LNP1: variants seen among roughly 807,000 people sequenced by gnomAD.
LNP1 encodes the protein leukemia NUP98 fusion partner 1.
Under a neutral mutation model 14.5 loss-of-function variants are expected in LNP1, and 12 were observed. The ratio of observed to expected loss-of-function variants is 0.83; its 90% CI spans 0.53 to 1.34. LNP1 has a LOEUF of 1.34. Among genes scored for constraint, LNP1 ranks in the 40% most tolerant of loss-of-function variants. LNP1 has a pLI of 0.00. For synonymous variants in LNP1, 75 were observed against 71.4 expected (o/e 1.05, Z -0.26); for missense variants, 198 against 210.9 (o/e 0.94, Z 0.38).
intron 1 of LNP1, among the ~76,000 whole-genome samples, chr3:100,426,919 T>C (rs746500497): frequency 2.2e-4 from 34 of 152,180 alleles, no homozygotes; most frequent in Non-Finnish European, 4.6e-4. Flanking sequence ...TTTTATCATA[T>C]ATTCAGGTGC....
chr3:100,422,182 CTTT>C (rs35862297), intron 1 of LNP1, among the ~76,000 whole-genome samples: 53 of 101,600 alleles, frequency 5.2e-4, no homozygotes, highest in African/African-American at 7.9e-4. Context: ...TTGATAAAGT[CTTT>C]TTTTTTTTTT....
chr3:100,427,119 T>A (rs1707200065), intron 1 of LNP1, among the ~76,000 whole-genome samples: 2 of 152,170 alleles, frequency 1.3e-5, no homozygotes, highest in Admixed American at 1.3e-4. Flanking sequence ...CTCCCCTTTC[T>A]TGCTGGTTTA....
intron 1 of LNP1, 32 bp from the exon 2 acceptor site, chr3:100,429,665 T>G (rs1707224627): frequency 7.0e-7 from 1 of 1,436,724 alleles, no homozygotes; most frequent in African/African-American, 1.4e-5. Flanking sequence ...TTGTCAGCCC[T>G]GTTGGGTGAT....
intron 1 of LNP1, among the ~76,000 whole-genome samples, chr3:100,422,391 G>C (rs990286475): frequency 1.3e-5 from 2 of 151,978 alleles, no homozygotes; most frequent in African/African-American, 4.8e-5. Flanking sequence ...CACTGTGTTA[G>C]CCAGGATGGT....
At chr3:100,450,522 A>T (rs1462054824) in intron 2 of LNP1, among the ~76,000 whole-genome samples, 1 of 152,026 alleles carries the variant, frequency 6.6e-6, no homozygotes, top group African/African-American at 2.4e-5. Flanking sequence ...TTTTTAGTAG[A>T]GACAAGGTTT....
intron 2 of LNP1, among the ~76,000 whole-genome samples, chr3:100,450,199 C>T (rs994927924): frequency 6.6e-6 from 1 of 150,526 alleles, no homozygotes; most frequent in Admixed American, 6.6e-5. Flanking sequence ...TGATCAAACC[C>T]AATGGGAAAA....
chr3:100,436,136 C>T (rs1185171905), intron 2 of LNP1, among the ~76,000 whole-genome samples: 1 of 152,136 alleles, frequency 6.6e-6, no homozygotes, highest in Non-Finnish European at 1.5e-5. Context: ...TTGTGGCGGT[C>T]AGAATATAGT....
At chr3:100,417,371 CT>C (rs562000656) in intron 1 of LNP1, among the ~76,000 whole-genome samples, 55 of 64,624 alleles carry the variant, frequency 8.5e-4, no homozygotes, top group Middle Eastern at 0.02. Flanking sequence ...TTTCTTTTTT[CT>C]TTTTTTTTTT....
chr3:100,426,678 A>G (rs904866373), intron 1 of LNP1, among the ~76,000 whole-genome samples: 3 of 152,176 alleles, frequency 2.0e-5, no homozygotes, highest in Admixed American at 6.5e-5. Flanking sequence ...CTATGCTTCT[A>G]TGTTGTCTAC....
chr3:100,403,445 G>A (rs916491944), intron 1 of LNP1, among the ~76,000 whole-genome samples: 7 of 151,924 alleles, frequency 4.6e-5, no homozygotes. Context: ...TAGTCTAATG[G>A]ACTAGGTTGT....
intron 1 of LNP1, among the ~76,000 whole-genome samples, chr3:100,411,428 T>C (rs2148899248): frequency 6.6e-6 from 1 of 152,196 alleles, no homozygotes; most frequent in East Asian, 1.9e-4. Flanking sequence ...CACATTAGGG[T>C]GGGATGAATG....
At chr3:100,455,683 A>G (rs539442446) in intron 3 of LNP1, 94 bp from the exon 4 acceptor site, 2 of 1,223,626 alleles carry the variant, frequency 1.6e-6, no homozygotes, top group African/African-American at 1.5e-5. Flanking sequence ...CTGCTAAACC[A>G]TCAGGGCTTT....
intron 2 of LNP1, among the ~76,000 whole-genome samples, chr3:100,445,657 A>C (rs1176100405): frequency 6.6e-6 from 1 of 152,194 alleles, no homozygotes; most frequent in African/African-American, 2.4e-5. Context: ...CAACTGGATC[A>C]TATCAAAGTT....
chr3:100,455,187 G>A (rs1303437637), intron 3 of LNP1, among the ~76,000 whole-genome samples: 1 of 152,108 alleles, frequency 6.6e-6, no homozygotes, highest in African/African-American at 2.4e-5. Flanking sequence ...CCACCTAGGT[G>A]TAATATCTAG....
Position 100,451,935 on chromosome 3 carries a change from C to T in LNP1, c.373C>T (p.Arg125Cys), listed in dbSNP as rs1183973559. 8 of 1,610,836 alleles carry T rather than the reference C, an allele frequency of 5.0e-6. No individual in the cohort carries two copies. Among genetic ancestry groups the T allele is most frequent in the Middle Eastern group, 1.7e-4 (1 of 6,036 alleles). Residue 125 changes from arginine (R) to cysteine (C), a missense_variant, in exon 3 of 4, where the codon CGT becomes TGT. Coordinates refer to ENST00000383693, the MANE Select transcript of LNP1 (RefSeq NM_001085451.2). Reference protein sequence around the residue: ...FERQLCFRTKRSASLGPESRK... With the variant: ...FERQLCFRTKCSASLGPESRK... The stretch of plus-strand genomic sequence containing the variant: ...ACGGCAACTGTGCTTTAGAACCAAG[C>T]GTTCTGCCTCTTTGGTATGTAACAG...
At chr3:100,426,773 C>T (rs1461550762) in intron 1 of LNP1, among the ~76,000 whole-genome samples, 3 of 152,014 alleles carry the variant, frequency 2.0e-5, no homozygotes, top group Admixed American at 2.0e-4. Context: ...TCAGAGTTTA[C>T]ATTGTAATTC....
chr3:100,440,264 G>A (rs1272882681), intron 2 of LNP1, among the ~76,000 whole-genome samples: 1 of 152,174 alleles, frequency 6.6e-6, no homozygotes, highest in African/African-American at 2.4e-5. Flanking sequence ...AACATTCAGA[G>A]CTGTTGGGGG....
chr3:100,444,850 T>G (rs1707374226), intron 2 of LNP1, among the ~76,000 whole-genome samples: 1 of 152,238 alleles, frequency 6.6e-6, no homozygotes, highest in South Asian at 2.1e-4. Context: ...ATACCTTCCA[T>G]AAGCCTTTGA....
chr3:100,439,810 T>C (rs1300392692), intron 2 of LNP1, among the ~76,000 whole-genome samples: 1 of 152,208 alleles, frequency 6.6e-6, no homozygotes, highest in Non-Finnish European at 1.5e-5. Flanking sequence ...GACTGACCTA[T>C]TTAGTAAATG....
Sources: allele counts gnomAD v4.1 joint callset (sites outside exome capture counted in the v4.1 genomes callset), GRCh38; gene constraint gnomAD v4.1.1; transcripts MANE v1.5; gene names NCBI Gene and HGNC (gene_info 2026-07-23, HGNC 2026-07-21).